SNX29: variants seen among roughly 807,000 people sequenced by gnomAD.
SNX29 encodes the protein sorting nexin-29.
In SNX29, 78 loss-of-function variants were observed where a neutral mutation model predicts 102.1. The ratio of observed to expected loss-of-function variants is 0.76; its 90% CI spans 0.64 to 0.92. The LOEUF is 0.92. Among genes scored for constraint, SNX29 ranks in the 40% least tolerant of loss-of-function variants. The pLI is 0.00. For missense variants in SNX29, 1,280 were observed against 1,061.7 expected, an observed-to-expected ratio of 1.21 and a Z score of -2.86; for synonymous variants, 580 against 414.5, an observed-to-expected ratio of 1.40 and a Z score of -4.85.
At chr16:12,127,847 C>T (rs1248337948) in intron 12 of SNX29, among the ~76,000 whole-genome samples, 2 of 152,160 alleles carry the variant, frequency 1.3e-5, no homozygotes, top group East Asian at 3.9e-4. Flanking sequence ...TTCTGGCTCC[C>T]ATCTGACTTA....
intron 18 of SNX29, among the ~76,000 whole-genome samples, chr16:12,455,948 G>A (rs1416635584): frequency 6.6e-6 from 1 of 152,126 alleles, no homozygotes; most frequent in African/African-American, 2.4e-5. Flanking sequence ...GGGCTCCTAG[G>A]GGTTTCCATC....
At chr16:11,993,174 T>G (rs1293736069) in intron 1 of SNX29, among the ~76,000 whole-genome samples, 2 of 151,152 alleles carry the variant, frequency 1.3e-5, no homozygotes, top group Non-Finnish European at 2.9e-5. Context: ...CATAAATAAA[T>G]AAATAAATAA....
Position 12,569,661 on chromosome 16 carries a change from G to GTCA in SNX29, c.*1033_*1035dup, listed in dbSNP as rs2079143995. 1.7e-5 allele frequency: 4 copies of GTCA among 229,694 alleles called. No homozygotes were observed. The East Asian group carries it at 2.5e-4, about 14-fold the overall frequency. The allele number at this position is 229,694 out of a possible 1,614,324, so 14.2% of individuals were successfully genotyped here. On this transcript the variant is annotated 3_prime_UTR_variant, in exon 21 of 21. Transcript: ENST00000566228. ...AGACAGAGTCCTCTGTTCCTCCCAT[G>GTCA]TCAGGTGGCTCTCAGAGTACAGGGA...
chr16:12,414,630 T>G (rs1191349188), intron 18 of SNX29, among the ~76,000 whole-genome samples: 1 of 152,156 alleles, frequency 6.6e-6, no homozygotes. Flanking sequence ...GAAGGGAGAT[T>G]TCTGGTAAAA....
At position 12,129,664 on chromosome 16, in the gene SNX29, C is replaced by T; in HGVS notation, c.1501C>T (p.His501Tyr). 1 of 1,611,140 alleles carries T rather than the reference C, an allele frequency of 6.2e-7. No individual in the cohort carries two copies. ...LRNLLDGEME[H>Y]SAALRQEVDT... ...AAACCTGCTCGACGGTGAGATGGAGCACTCAGCCGCGCTCCGGCAAGAGGT... is the reference window on the plus strand; with the variant it reads ...AAACCTGCTCGACGGTGAGATGGAGTACTCAGCCGCGCTCCGGCAAGAGGT... Residue 501 changes from histidine to tyrosine, a missense_variant, in exon 13 of 21, where the codon CAC becomes TAC. His to Tyr is a moderately conservative substitution (Grantham distance 83, BLOSUM62 2). Coordinates refer to ENST00000566228, the MANE Select transcript of SNX29 (RefSeq NM_032167.5).
At chr16:12,180,110 T>C (rs561944526) in intron 13 of SNX29, among the ~76,000 whole-genome samples, 11 of 152,336 alleles carry the variant, frequency 7.2e-5, no homozygotes, top group African/African-American at 2.6e-4. Flanking sequence ...CTGTTCATCT[T>C]ATTTACCTGT....
intron 14 of SNX29, among the ~76,000 whole-genome samples, chr16:12,252,701 G>A (rs914865343): frequency 6.6e-6 from 1 of 152,196 alleles, no homozygotes; most frequent in African/African-American, 2.4e-5. Flanking sequence ...CCCCGTTGCG[G>A]TGCCGAGGTG....
chr16:12,227,086 G>T (rs1438571225), intron 14 of SNX29, among the ~76,000 whole-genome samples: 1 of 152,188 alleles, frequency 6.6e-6, no homozygotes, highest in African/African-American at 2.4e-5. Context: ...GAGACTCCCT[G>T]TTGGGGCTTT....
At chr16:12,490,934 C>G (rs780297903) in intron 19 of SNX29, among the ~76,000 whole-genome samples, 3 of 152,238 alleles carry the variant, frequency 2.0e-5, no homozygotes, top group Non-Finnish European at 2.9e-5. Context: ...GGGAACCACT[C>G]TGCGGAATCA....
chr16:12,485,484 C>T (rs944312672), intron 19 of SNX29, among the ~76,000 whole-genome samples: 1 of 152,296 alleles, frequency 6.6e-6, no homozygotes, highest in Middle Eastern at 3.4e-3. Flanking sequence ...GCATTAAAAT[C>T]CTCATTAAAA....
At chr16:12,337,140 C>T (rs950155342) in intron 15 of SNX29, among the ~76,000 whole-genome samples, 4 of 152,190 alleles carry the variant, frequency 2.6e-5, no homozygotes, top group Non-Finnish European at 5.9e-5. Context: ...ATGTCACCTT[C>T]TGAAGGCCAC....
Position 12,356,159 on chromosome 16 carries a change from C to A in SNX29, c.1783-4C>A, listed in dbSNP as rs2082128896. On this transcript the variant is annotated splice_region_variant and splice_polypyrimidine_tract_variant and intron_variant, in intron 15 of 20. Coordinates refer to ENST00000566228, the MANE Select transcript of SNX29 (RefSeq NM_032167.5). ...AGCCTCACCTTTCCGTGCTTGTGTT[C>A]CAGGTGGCAGAGATGCATGGCGAGC... 1.2e-6 allele frequency: 2 copies of A among 1,611,066 alleles called. No individual in the cohort carries two copies. Among genetic ancestry groups the A allele is most frequent in the South Asian group, 1.1e-5 (1 of 90,348 alleles).
chr16:12,536,907 T>G (rs995504227), intron 20 of SNX29, among the ~76,000 whole-genome samples: 1 of 151,562 alleles, frequency 6.6e-6, no homozygotes, highest in African/African-American at 2.4e-5. Context: ...GCCCGGGAGG[T>G]GGAGGTTGCA....
At chr16:12,007,700 G>A (rs1024533750) in intron 3 of SNX29, among the ~76,000 whole-genome samples, 7 of 152,104 alleles carry the variant, frequency 4.6e-5, no homozygotes, top group Non-Finnish European at 8.8e-5. Context: ...CCCATCACCA[G>A]CATCTCACAG....
At chr16:12,023,154 C>T (rs1482788076) in intron 3 of SNX29, among the ~76,000 whole-genome samples, 1 of 152,030 alleles carries the variant, frequency 6.6e-6, no homozygotes, top group Admixed American at 6.6e-5. Flanking sequence ...GCCTTGGCCT[C>T]CCAAAGTGCT....
chr16:12,397,124 C>A (rs2083751583), intron 16 of SNX29, among the ~76,000 whole-genome samples: 1 of 152,176 alleles, frequency 6.6e-6, no homozygotes, highest in Non-Finnish European at 1.5e-5. Flanking sequence ...AACTCCTGGG[C>A]TCAAGCAATC....
intron 16 of SNX29, among the ~76,000 whole-genome samples, chr16:12,356,709 T>C (rs2082146487): frequency 6.6e-6 from 1 of 152,254 alleles, no homozygotes; most frequent in South Asian, 2.1e-4. Flanking sequence ...TGAGGAGTAA[T>C]CCACGTACAT....
rs1362110534 is a variant in SNX29 at position 12,571,759 on chromosome 16, G to C, written c.*3130G>C. On this transcript the variant is annotated 3_prime_UTR_variant, in exon 21 of 21. Coordinates refer to ENST00000566228, the MANE Select transcript of SNX29 (RefSeq NM_032167.5). ...AAACCTAGCCCAACCATCCACTCCTGATCTGAGACAGAACCTTCTCCGCCA... is the reference window on the plus strand; with the variant it reads ...AAACCTAGCCCAACCATCCACTCCTCATCTGAGACAGAACCTTCTCCGCCA... 4 of 1,013,756 alleles carry C rather than the reference G, an allele frequency of 3.9e-6. No individual in the cohort carries two copies. Among genetic ancestry groups the C allele is most frequent in the Middle Eastern group, 4.3e-4 (1 of 2,304 alleles). 62.8% of individuals were successfully genotyped at this position (1,013,756 alleles called of 1,614,324 possible).
At position 12,571,799 on chromosome 16, in the gene SNX29, A is replaced by T; in HGVS notation, c.*3170A>T. The T allele has an allele frequency of 9.8e-7, 1 of 1,016,010 alleles. No individual in the cohort carries two copies. Among genetic ancestry groups the T allele is most frequent in the Non-Finnish European group, 1.2e-6 (1 of 835,618 alleles). 62.9% of individuals were successfully genotyped at this position (1,016,010 alleles called of 1,614,324 possible). On this transcript the variant is annotated 3_prime_UTR_variant, in exon 21 of 21. Coordinates refer to ENST00000566228, the MANE Select transcript of SNX29 (RefSeq NM_032167.5). ...CTTCTCCGCCACTCTTCCTGCAATC[A>T]GTGTGAAATTCCAGCTTCTTTGATT...
Sources: gnomAD v4.1 joint callset for allele counts (sites outside exome capture counted in the v4.1 genomes callset) on GRCh38, gnomAD v4.1.1 for gene constraint, MANE v1.5 for transcripts, NCBI Gene and HGNC (gene_info 2026-07-23, HGNC 2026-07-21) for gene names.